NIPBL: variants seen among roughly 807,000 people sequenced by gnomAD.
NIPBL encodes the protein NIPBL cohesin loading factor, also known as nipped-B-like protein.
In NIPBL, 19 loss-of-function variants were observed where a neutral mutation model predicts 321.8. The observed-to-expected ratio is 0.06, with a 90% CI of 0.04 to 0.09. The LOEUF (loss-of-function observed/expected upper bound fraction) is 0.09, where lower values mean the gene tolerates loss of function less well. Among genes scored for constraint, NIPBL ranks in the 10% least tolerant of loss-of-function variants. NIPBL has a pLI of 1.00. For missense variants in NIPBL, 2,210 were observed against 3,327.0 expected (o/e 0.66, Z 8.26); for synonymous variants, 1,106 against 1,114.1 (o/e 0.99, Z 0.14).
intron 7 of NIPBL, 61 bp from the exon 8 acceptor site, chr5:36,971,884 T>G: frequency 3.9e-6 from 6 of 1,556,118 alleles, no homozygotes; most frequent in Non-Finnish European, 5.3e-6. Flanking sequence ...TGGTTCTCTT[T>G]TAAGATTTCT....
chr5:36,985,678 A>G lies in NIPBL; in HGVS notation c.2498A>G (p.His833Arg). ...KSDDRGESER[H>R]RGDQSRVRRP... ...GATGACAGGGGTGAATCAGAGCGAC[A>G]TCGAGGGGATCAGTCTAGGGTTCGA... Residue 833 changes from histidine to arginine, a missense_variant, in exon 10 of 47, where the codon CAT (histidine) becomes CGT (arginine). Physicochemically the swap from His to Arg is conservative, Grantham distance 29. Around this residue, in one of 14 missense-constraint regions of NIPBL, gnomAD observed 588 missense variants for 564.1 expected, o/e 1.04. Coordinates refer to ENST00000282516, the MANE Select transcript of NIPBL (RefSeq NM_133433.4). 1 of 1,613,972 alleles carries G rather than the reference A, an allele frequency of 6.2e-7. No individual in the cohort carries two copies. The highest frequency in any genetic ancestry group is 8.5e-7 in the Non-Finnish European group (1 of 1,179,980).
rs1301137822 is a variant in NIPBL, at chr5:37,012,274, C to A, written c.4560+2049C>A. 1.1e-4 allele frequency among the ~76,000 whole-genome samples: 17 copies of A among 151,362 alleles called. No individual in the cohort carries two copies. In the South Asian group the frequency reaches 1.5e-3, roughly 13 times the overall value. The stretch of plus-strand genomic sequence containing the variant: ...AAGTGATCCTCCCACCTCAGCCTTC[C>A]GAGTAGCTGGAACTACAGGCACGCG... On this transcript the variant is annotated intron_variant, in intron 21 of 46. Coordinates refer to ENST00000282516, the MANE Select transcript of NIPBL (RefSeq NM_133433.4).
chr5:36,990,377 A>G lies in NIPBL; in HGVS notation c.3121+4076A>G, dbSNP rs79365040. ...GGTGTTTAGGATCCTCAGCTTCTGC[A>G]AGTCTGAAAGTATTGTTTCTGAGAG... On this transcript the variant is annotated intron_variant, in intron 10 of 46. Transcript: ENST00000282516. Among the ~76,000 whole-genome samples the G allele has an allele frequency of 3.4e-3, 525 of 152,314 alleles. 8 individuals carry two copies. Among genetic ancestry groups the G allele is most frequent in the African/African-American group, 0.012 (510 of 41,566 alleles).
intron 6 of NIPBL, among the ~76,000 whole-genome samples, chr5:36,962,936 C>T (rs1416524338): frequency 6.6e-6 from 1 of 152,014 alleles, no homozygotes; most frequent in Non-Finnish European, 1.5e-5. Flanking sequence ...GTATTGGAAC[C>T]AATCCCTCAT....
At chr5:37,049,605 C>T (rs1233876679) in intron 40 of NIPBL, among the ~76,000 whole-genome samples, 2 of 152,094 alleles carry the variant, frequency 1.3e-5, no homozygotes, top group Admixed American at 1.3e-4. Context: ...TCCCTAAGAT[C>T]CAACAATCTA....
At chr5:37,025,200 C>T (rs974892011) in intron 30 of NIPBL, among the ~76,000 whole-genome samples, 1 of 152,186 alleles carries the variant, frequency 6.6e-6, no homozygotes, top group African/African-American at 2.4e-5. Flanking sequence ...CTGCAGTGAG[C>T]TGTAATCTTG....
At chr5:36,904,148 G>A (rs1747443901) in intron 1 of NIPBL, among the ~76,000 whole-genome samples, 1 of 152,160 alleles carries the variant, frequency 6.6e-6, no homozygotes, top group Admixed American at 6.5e-5. Context: ...AATATTTAGT[G>A]TACTGTAGAT....
intron 8 of NIPBL, among the ~76,000 whole-genome samples, chr5:36,973,481 CTTTT>C (rs1382565371): frequency 1.3e-5 from 2 of 151,686 alleles, no homozygotes; most frequent in African/African-American, 2.4e-5. Flanking sequence ...TTCTTTCTTT[CTTTT>C]GAGACAGAGT....
chr5:37,044,873 T>C (rs1157109528), intron 36 of NIPBL, 144 bp downstream of exon 36: 3 of 668,416 alleles, frequency 4.5e-6, no homozygotes, highest in Non-Finnish European at 8.0e-6. Context: ...AACAATATTT[T>C]CTAGTGTCTT....
chr5:36,886,178 G>T, intron 1 of NIPBL: 1 of 646,710 alleles, frequency 1.5e-6, no homozygotes, highest in South Asian at 1.5e-5. Flanking sequence ...AACAGCCTGA[G>T]GGAGGTGGAG....
intron 40 of NIPBL, 125 bp downstream of exon 40, chr5:37,049,426 A>G: frequency 9.7e-7 from 1 of 1,033,962 alleles, no homozygotes; most frequent in Non-Finnish European, 1.5e-6. Flanking sequence ...TAAACTCTTA[A>G]GAATCTGGCA....
chr5:37,024,461 TATGTC>T, intron 29 of NIPBL, 119 bp from the exon 30 acceptor site: 3 of 725,876 alleles, frequency 4.1e-6, no homozygotes, highest in Non-Finnish European at 6.7e-6. Context: ...AAAAAGCAAA[TATGTC>T]AAGTGTGTTT....
rs781356422 is a variant in NIPBL, at chr5:37,058,940, A to G, written c.7460A>G (p.Glu2487Gly). 6.2e-7 allele frequency: 1 copy of G among 1,614,160 alleles called. No individual in the cohort carries two copies. Among genetic ancestry groups the G allele is most frequent in the African/African-American group, 1.3e-5 (1 of 75,054 alleles). ...GAGAGAAAATCATCACCTAGTAAGG[A>G]AAATGAGTCAAGCGACAGTGAAGAA... ...RKERKSSPSK[E>G]NESSDSEEEV... The change falls in exon 44 of 47, where the codon GAA becomes GGA. Residue 2487 changes from glutamate (E) to glycine (G), a missense_variant. Physicochemically the swap from Glu to Gly is moderately conservative, Grantham distance 98 (BLOSUM62 -2). This residue lies in a region of NIPBL where 79 missense variants were observed against 90.8 expected (regional missense o/e 0.87). Transcript: ENST00000282516.
At chr5:37,007,503 A>G (rs1468846383) in intron 18 of NIPBL, 29 bp downstream of exon 18, 5 of 1,530,508 alleles carry the variant, frequency 3.3e-6, no homozygotes, top group Non-Finnish European at 3.6e-6. Flanking sequence ...CATTTTGTAT[A>G]TTTCTAAACT....
chr5:36,904,513 C>T (rs1408817190), intron 1 of NIPBL, among the ~76,000 whole-genome samples: 2 of 152,112 alleles, frequency 1.3e-5, no homozygotes, highest in African/African-American at 4.8e-5. Context: ...ACAAATTACA[C>T]CAAAATTTAG....
rs770121137 is a variant in NIPBL at position 36,986,310 on chromosome 5, A to C, written c.3121+9A>C. 2.7e-6 allele frequency: 4 copies of C among 1,459,278 alleles called. No homozygotes were observed. The highest frequency in any genetic ancestry group is 2.4e-5 in the Admixed American group (1 of 42,230). The allele number at this position is 1,459,278 out of a possible 1,614,324, so 90.4% of individuals were successfully genotyped here. ...ATCAAAGTCAAATAAAGGTAAGAATACTTCTACTGATGTCATTTATAATAT... is the reference window on the plus strand; with the variant it reads ...ATCAAAGTCAAATAAAGGTAAGAATCCTTCTACTGATGTCATTTATAATAT... On this transcript the variant is annotated intron_variant, in intron 10 of 46. Transcript: ENST00000282516.
intron 9 of NIPBL, among the ~76,000 whole-genome samples, chr5:36,979,703 GAAAT>G (rs1399813162): frequency 6.6e-6 from 1 of 151,616 alleles, no homozygotes; most frequent in Non-Finnish European, 1.5e-5. Context: ...TGAGGTTCAG[GAAAT>G]AAATATATAG....
At chr5:36,911,319 G>A (rs1320787054) in intron 1 of NIPBL, among the ~76,000 whole-genome samples, 1 of 152,160 alleles carries the variant, frequency 6.6e-6, no homozygotes, top group Non-Finnish European at 1.5e-5. Flanking sequence ...ATGTGCAGGG[G>A]CAGAAAATTA....
chr5:37,007,216 G>A (rs1001108636), intron 17 of NIPBL, 107 bp from the exon 18 acceptor site: 4 of 904,494 alleles, frequency 4.4e-6, no homozygotes, highest in African/African-American at 1.7e-5. Flanking sequence ...TCCAGGTTCT[G>A]TAGCTAGAAA....
Sources: allele counts gnomAD v4.1 joint callset (sites outside exome capture counted in the v4.1 genomes callset), GRCh38; gene constraint gnomAD v4.1.1; regional missense constraint gnomAD v4.1.1; transcripts MANE v1.5; gene names NCBI Gene and HGNC (gene_info 2026-07-23, HGNC 2026-07-21).